Variants in PLCL2 observed in about 807,000 individuals in gnomAD.
PLCL2 encodes the protein inactive phospholipase C-like protein 2.
Under a neutral mutation model 79.6 loss-of-function variants are expected in PLCL2, and 4 were observed. The ratio of observed to expected loss-of-function variants is 0.05; its 90% confidence interval spans 0.02 to 0.11. The LOEUF (loss-of-function observed/expected upper bound fraction) is 0.11, where lower values mean the gene tolerates loss of function less well. Ranked by LOEUF, PLCL2 falls within the 10% of genes least tolerant of loss-of-function variation. The pLI is 1.00. For missense variants in PLCL2, 895 were observed against 1,291.0 expected, an observed-to-expected ratio of 0.69 and a Z score of 4.70; for synonymous variants, 484 against 457.7, an observed-to-expected ratio of 1.06 and a Z score of -0.73.
chr3:17,028,482 C>CT (rs200573131), intron 3 of PLCL2, among the ~76,000 whole-genome samples: 237 of 142,004 alleles, frequency 1.7e-3, no homozygotes, highest in Middle Eastern at 0.011. Context: ...TTTTTTTTTT[C>CT]TTTTTTTTTT....
At chr3:16,971,289 A>C (rs2063864964) in intron 1 of PLCL2, among the ~76,000 whole-genome samples, 1 of 152,096 alleles carries the variant, frequency 6.6e-6, no homozygotes, top group Admixed American at 6.5e-5. Flanking sequence ...ATGGCTAGCC[A>C]GTTTTCCCCG....
At chr3:17,043,639 T>A (rs2064750153) in intron 4 of PLCL2, among the ~76,000 whole-genome samples, 1 of 151,756 alleles carries the variant, frequency 6.6e-6, no homozygotes, top group Non-Finnish European at 1.5e-5. Flanking sequence ...AAAAAAAAAA[T>A]TGTCCTGACT....
intron 4 of PLCL2, among the ~76,000 whole-genome samples, chr3:17,052,781 C>T (rs1372868687): frequency 1.3e-5 from 2 of 152,040 alleles, no homozygotes; most frequent in Non-Finnish European, 1.5e-5. Context: ...TCCACTTCCA[C>T]GTGATAAATA....
chr3:16,969,008 G>A (rs1193742655), intron 1 of PLCL2, among the ~76,000 whole-genome samples: 4 of 152,122 alleles, frequency 2.6e-5, no homozygotes, highest in South Asian at 4.1e-4. Context: ...AGATGTTCAT[G>A]TGGTTTTTAA....
intron 1 of PLCL2, among the ~76,000 whole-genome samples, chr3:16,947,738 C>T (rs1418104259): frequency 3.3e-5 from 5 of 152,196 alleles, no homozygotes; most frequent in Non-Finnish European, 7.3e-5. Flanking sequence ...ACCCACACCA[C>T]TTTCCAGAAA....
At chr3:16,977,174 G>A (rs558285199) in intron 1 of PLCL2, among the ~76,000 whole-genome samples, 3 of 152,196 alleles carry the variant, frequency 2.0e-5, no homozygotes, top group Admixed American at 1.3e-4. Flanking sequence ...TATTTATTGA[G>A]TGAATTATTT....
intron 1 of PLCL2, among the ~76,000 whole-genome samples, chr3:16,950,416 A>G (rs1450684026): frequency 6.6e-6 from 1 of 152,238 alleles, no homozygotes; most frequent in South Asian, 2.1e-4. Flanking sequence ...TTAAGAGCTA[A>G]TAATTTCTGG....
At chr3:16,935,995 T>TGG (rs1043709886) in intron 1 of PLCL2, among the ~76,000 whole-genome samples, 1 of 152,200 alleles carries the variant, frequency 6.6e-6, no homozygotes, top group African/African-American at 2.4e-5. Flanking sequence ...TTCAGGTCCG[T>TGG]GGTGGCTCTA....
Position 16,887,929 on chromosome 3 carries a change from A to G in PLCL2, c.327+2563A>G, listed in dbSNP as rs1575510587. On this transcript the variant is annotated intron_variant, in intron 1 of 5. Transcript: ENST00000615277. This position sits in a 1 kb window ranked among gnomAD's most constrained non-coding sequence, Gnocchi z 4.1. ...CAGGTGGTCTCTGAGTAGAGGCAGG[A>G]GTAGATTAGTAAGCAAGGTGATAAT... Among the ~76,000 whole-genome samples the G allele has an allele frequency of 6.6e-6, 1 of 152,030 alleles. No homozygotes were observed. Among genetic ancestry groups the G allele is most frequent in the Non-Finnish European group, 1.5e-5 (1 of 67,988 alleles).
chr3:17,063,244 GCCTTCCTCCCTTCCTC>G (rs1559536578), intron 4 of PLCL2, among the ~76,000 whole-genome samples: 2 of 6,452 alleles, frequency 3.1e-4, no homozygotes, highest in South Asian at 7.0e-3. Flanking sequence ...CTCCCTCCCT[GCCTTCCTCCCTTCCTC>G]CCTTCCTCCC....
intron 5 of PLCL2, among the ~76,000 whole-genome samples, chr3:17,071,955 TA>T (rs1449384747): frequency 6.6e-6 from 1 of 152,028 alleles, no homozygotes; most frequent in Non-Finnish European, 1.5e-5. Context: ...GCCTCCCAAA[TA>T]GCTGGGACTA....
intron 5 of PLCL2, among the ~76,000 whole-genome samples, chr3:17,083,403 T>TAGCA: frequency 1.3e-5 from 2 of 152,226 alleles, no homozygotes; most frequent in South Asian, 4.2e-4. Context: ...TTTAGGAGCG[T>TAGCA]AGCATATCAG....
rs946136183 is a variant in PLCL2 at position 16,887,944 on chromosome 3, A to G, written c.327+2578A>G. Among the ~76,000 whole-genome samples the G allele has an allele frequency of 6.6e-6, 1 of 152,156 alleles. No homozygotes were observed. Among genetic ancestry groups the G allele is most frequent in the African/African-American group, 2.4e-5 (1 of 41,418 alleles). The stretch of plus-strand genomic sequence containing the variant: ...TAGAGGCAGGAGTAGATTAGTAAGC[A>G]AGGTGATAATTGGGGACTTGAGGGA... On this transcript the variant is annotated intron_variant, in intron 1 of 5. Coordinates refer to ENST00000615277, the MANE Select transcript of PLCL2 (RefSeq NM_001144382.2). The surrounding 1 kb of genome is among the most constrained non-coding windows in gnomAD (Gnocchi z 4.1).
At chr3:16,954,258 T>C (rs1025975435) in intron 1 of PLCL2, among the ~76,000 whole-genome samples, 18 of 152,156 alleles carry the variant, frequency 1.2e-4, no homozygotes, top group Non-Finnish European at 1.3e-4. Flanking sequence ...TTCCCACCAA[T>C]GAGTGAGCAC....
In PLCL2 at chr3:17,000,334, A is replaced by G. The variant is rs183870493; in HGVS notation, c.328-9340A>G. ...TTTTTTCAATTGATACATTATTATT[A>G]TATATATTTGTGGGAGTACATGTGA... On this transcript the variant is annotated intron_variant, in intron 1 of 5. Coordinates refer to ENST00000615277, the MANE Select transcript of PLCL2 (RefSeq NM_001144382.2). Among the ~76,000 whole-genome samples, 42 of 152,170 alleles carry G rather than the reference A, an allele frequency of 2.8e-4. No individual in the cohort carries two copies. The East Asian group carries it at 7.3e-3, about 27-fold the overall frequency.
chr3:16,967,659 C>CTAG (rs1255550330), intron 1 of PLCL2, among the ~76,000 whole-genome samples: 4 of 151,868 alleles, frequency 2.6e-5, no homozygotes, highest in Admixed American at 1.3e-4. Context: ...ATTCTTGATA[C>CTAG]TAGACCTTTG....
chr3:17,002,920 T>G (rs4130495), intron 1 of PLCL2, among the ~76,000 whole-genome samples: 48,586 of 149,916 alleles, frequency 0.32, 8,069 homozygotes, highest in Admixed American at 0.33. Context: ...CTGATGTGGG[T>G]TTTTTTTTTA....
rs573246072 is a variant in PLCL2 at position 16,961,417 on chromosome 3, A to T, written c.328-48257A>T. On this transcript the variant is annotated intron_variant, in intron 1 of 5. Transcript: ENST00000615277. ...CCGATAGAGACTGACAAGTCAACAT[A>T]AAGTTGAAATGCAGTGGGACATGAA... 1.3e-5 allele frequency among the ~76,000 whole-genome samples: 2 copies of T among 152,380 alleles called. 1 individual carries two copies.
chr3:17,039,083 C>T (rs1209250757), intron 3 of PLCL2, among the ~76,000 whole-genome samples: 1 of 152,192 alleles, frequency 6.6e-6, no homozygotes, highest in South Asian at 2.1e-4. Context: ...ATAGAAAGCA[C>T]CAAGTACATA....
Sources: gnomAD v4.1 joint callset for allele counts (sites outside exome capture counted in the v4.1 genomes callset) on GRCh38, gnomAD v4.1.1 for gene constraint, Gnocchi (gnomAD v3.1) non-coding constraint, MANE v1.5 for transcripts, NCBI Gene and HGNC (gene_info 2026-07-23, HGNC 2026-07-21) for gene names.